The following VWA5B1 variants were observed in gnomAD, a reference collection of about 807,000 sequenced individuals.
VWA5B1 encodes von Willebrand factor A domain-containing protein 5B1.
In VWA5B1, 115 loss-of-function variants were observed where a neutral mutation model predicts 118.2. That is an observed-to-expected ratio of 0.97 (90% confidence interval 0.84 to 1.14). The LOEUF (loss-of-function observed/expected upper bound fraction) is 1.14. VWA5B1 is among the 50% of genes most tolerant of loss of function. The probability of loss-of-function intolerance (pLI) is 0.00; values close to 1 mark genes in which losing one functional copy is unlikely to be tolerated. For missense variants in VWA5B1, 1,596 were observed against 1,603.8 expected (o/e 1.00, Z 0.08); for synonymous variants, 682 against 658.4 (o/e 1.04, Z -0.55).
rs2101037947 is a variant in VWA5B1, at chr1:20,355,836, C to T, written c.*1573C>T. Among the ~76,000 whole-genome samples, 1 of 151,628 alleles carries T rather than the reference C, an allele frequency of 6.6e-6. No homozygotes were observed. On this transcript the variant is annotated 3_prime_UTR_variant, in exon 22 of 22. Transcript: ENST00000289815. ...CCCTCCATCTATGCCACAAGTCTCC[C>T]GCGAGGGATTCTCACAGCCCTTTTG...
intron 1 of VWA5B1, among the ~76,000 whole-genome samples, chr1:20,301,233 T>C (rs1390482797): frequency 6.6e-6 from 1 of 152,212 alleles, no homozygotes; most frequent in Non-Finnish European, 1.5e-5. Flanking sequence ...GCAGTCATAG[T>C]GGGTGGGAGA....
chr1:20,320,381 G>A (rs1253009240), intron 7 of VWA5B1, among the ~76,000 whole-genome samples: 1 of 152,260 alleles, frequency 6.6e-6, no homozygotes, highest in Admixed American at 6.5e-5. Context: ...GCAAGGTGGG[G>A]AAGTGGACAG....
At chr1:20,323,940 A>G (rs1268170264) in intron 8 of VWA5B1, among the ~76,000 whole-genome samples, 1 of 152,102 alleles carries the variant, frequency 6.6e-6, no homozygotes, top group Non-Finnish European at 1.5e-5. Context: ...GTTTGATCCT[A>G]TTTTTGCCAT....
chr1:20,320,349 G>A (rs1052932914), intron 7 of VWA5B1, among the ~76,000 whole-genome samples: 3 of 152,350 alleles, frequency 2.0e-5, no homozygotes, highest in African/African-American at 4.8e-5. Flanking sequence ...TGCTCTGCCC[G>A]CCTAGCTGGC....
intron 2 of VWA5B1, among the ~76,000 whole-genome samples, chr1:20,311,412 A>G (rs1252221599): frequency 2.0e-5 from 3 of 152,212 alleles, no homozygotes; most frequent in Non-Finnish European, 4.4e-5. Context: ...TCTTGCTCCT[A>G]TGACCCTGGG....
At chr1:20,335,815 C>T (rs1448706614) in intron 12 of VWA5B1, among the ~76,000 whole-genome samples, 1 of 152,098 alleles carries the variant, frequency 6.6e-6, no homozygotes, top group Non-Finnish European at 1.5e-5. Context: ...CTTGCTGTCT[C>T]AGAGGTGATA....
rs1401582956 is a variant in VWA5B1, at chr1:20,342,964, G to A, written c.2312-115G>A. 2.1e-6 allele frequency: 3 copies of A among 1,439,460 alleles called. No homozygotes were observed. In the Admixed American group the frequency reaches 8.6e-5, roughly 41 times the overall value. 89.2% of individuals were successfully genotyped at this position (1,439,460 alleles called of 1,614,324 possible). On this transcript the variant is annotated intron_variant, in intron 15 of 21. Transcript: ENST00000289815. ...GAGTTGCCTGTTCCCTGGGGAGATG[G>A]AGTGGGTTGTACTTGCTTAGAAGTG...
chr1:20,317,491 C>A, intron 4 of VWA5B1, 39 bp from the exon 5 acceptor site: 1 of 1,546,060 alleles, frequency 6.5e-7, no homozygotes, highest in Non-Finnish European at 8.7e-7. Flanking sequence ...CTTCTTCCAC[C>A]CTGGCTGGTC....
intron 4 of VWA5B1, among the ~76,000 whole-genome samples, chr1:20,317,140 A>ACG (rs2089036291): frequency 7.4e-6 from 1 of 135,724 alleles, no homozygotes; most frequent in South Asian, 2.4e-4. Context: ...TGGGTGACTG[A>ACG]GCAAGACTGC....
chr1:20,317,407 G>C, intron 4 of VWA5B1, 123 bp from the exon 5 acceptor site: 1 of 1,349,290 alleles, frequency 7.4e-7, no homozygotes, highest in East Asian at 2.6e-5. Context: ...GGAGAGCACG[G>C]GTCTGGGGGC....
chr1:20,316,290 C>T (rs1039309194), intron 4 of VWA5B1, among the ~76,000 whole-genome samples: 3 of 152,058 alleles, frequency 2.0e-5, no homozygotes, highest in African/African-American at 7.3e-5. Context: ...AAAGGGAGCA[C>T]GGACAGGGAT....
At chr1:20,342,868 T>A (rs568589239) in intron 15 of VWA5B1, among the ~76,000 whole-genome samples, 3 of 152,290 alleles carry the variant, frequency 2.0e-5, no homozygotes, top group African/African-American at 7.2e-5. Flanking sequence ...GGCACTGGCT[T>A]CCTGGGAGGC....
chr1:20,312,288 C>G (rs946041110), intron 2 of VWA5B1, among the ~76,000 whole-genome samples: 1 of 152,168 alleles, frequency 6.6e-6, no homozygotes, highest in Non-Finnish European at 1.5e-5. Context: ...ATGTGTGGCA[C>G]GTGGCTTAAT....
chr1:20,353,195 A>G (rs1163298470), intron 21 of VWA5B1, among the ~76,000 whole-genome samples: 6 of 152,210 alleles, frequency 3.9e-5, no homozygotes, highest in Non-Finnish European at 5.9e-5. Context: ...GGTAAGAGTC[A>G]ACGATTAGGT....
At chr1:20,337,206 C>T (rs2089742279) in intron 13 of VWA5B1, among the ~76,000 whole-genome samples, 1 of 152,170 alleles carries the variant, frequency 6.6e-6, no homozygotes, top group African/African-American at 2.4e-5. Context: ...CTGTTCACTG[C>T]AACCTCCACC....
In VWA5B1 at chr1:20,348,102, TA is replaced by T. The variant is rs898066095; in HGVS notation, c.2765-142del. The T allele has an allele frequency of 2.5e-5, 20 of 788,684 alleles. No homozygotes were observed. The Admixed American group carries it at 5.3e-4, about 21-fold the overall frequency. 48.9% of individuals were successfully genotyped at this position (788,684 alleles called of 1,614,324 possible). Reference sequence around the variant, plus strand: ...CCTGGGTCTTTCTGACTCTAAAGCTTATGGTCTTACCCTGTACAACACCTTC... The same window carrying T: ...CCTGGGTCTTTCTGACTCTAAAGCTTTGGTCTTACCCTGTACAACACCTTC... On this transcript the variant is annotated intron_variant, in intron 17 of 21. Transcript: ENST00000289815.
intron 20 of VWA5B1, among the ~76,000 whole-genome samples, chr1:20,351,345 C>T (rs1263408132): frequency 2.2e-4 from 33 of 151,484 alleles, no homozygotes; most frequent in Admixed American, 2.2e-3. Context: ...ACAGTAAGAC[C>T]CTGTCTCTAC....
intron 14 of VWA5B1, among the ~76,000 whole-genome samples, chr1:20,340,955 GT>G (rs2089860096): frequency 6.6e-6 from 1 of 152,086 alleles, no homozygotes; most frequent in Admixed American, 6.6e-5. Context: ...ACAGTGCAAG[GT>G]ATTTATTTAA....
chr1:20,323,403 C>T lies in VWA5B1; in HGVS notation c.1014C>T (p.Ser338=), dbSNP rs7526077. 1,516 of 1,528,360 alleles carry T rather than the reference C, an allele frequency of 9.9e-4. 11 individuals carry two copies. The African/African-American group carries it at 0.018, about 18-fold the overall frequency. The allele number at this position is 1,528,360 out of a possible 1,614,324, so 94.7% of individuals were successfully genotyped here. The change falls in exon 8 of 22, where the codon TCC becomes TCT. Residue 338 remains serine, a synonymous_variant. Transcript: ENST00000289815. Reference sequence around the variant, plus strand: ...TCCACAAAGACATTCCCCACCACTCCGTCATCATGCTCAACTTCTGTCCCG... The same window carrying T: ...TCCACAAAGACATTCCCCACCACTCTGTCATCATGCTCAACTTCTGTCCCG... The part of the protein sequence containing the change: ...KRLHKDIPHH[S]VIMLNFCPDL...
Sources: allele counts gnomAD v4.1 joint callset (sites outside exome capture counted in the v4.1 genomes callset), GRCh38; gene constraint gnomAD v4.1.1; transcripts MANE v1.5; gene names NCBI Gene and HGNC (gene_info 2026-07-23, HGNC 2026-07-21).